PCBP3: variants seen among roughly 807,000 people sequenced by gnomAD.
PCBP3 encodes poly(rC) binding protein 3.
Under a neutral mutation model 52.7 loss-of-function variants are expected in PCBP3, and 25 were observed. The observed-to-expected ratio is 0.47, with a 90% CI of 0.35 to 0.66. The LOEUF is 0.66. Ranked by LOEUF, PCBP3 falls within the 30% of genes least tolerant of loss-of-function variation. PCBP3 has a pLI of 0.01. For synonymous variants in PCBP3, 162 were observed against 183.0 expected (o/e 0.89, Z 0.93); for missense variants, 391 against 490.3 (o/e 0.80, Z 1.91).
intron 5 of PCBP3, among the ~76,000 whole-genome samples, chr21:45,881,619 A>C: frequency 6.6e-6 from 1 of 152,090 alleles, no homozygotes; most frequent in East Asian, 1.9e-4. Flanking sequence ...TCAAGTATAC[A>C]TTGTTCTTAC....
intron 1 of PCBP3, among the ~76,000 whole-genome samples, chr21:45,659,818 T>C (rs2080267891): frequency 6.6e-6 from 1 of 152,232 alleles, no homozygotes; most frequent in Non-Finnish European, 1.5e-5. Flanking sequence ...ACATATTTTA[T>C]ATTACTTCAA....
At chr21:45,793,358 A>T (rs748140695) in intron 4 of PCBP3, among the ~76,000 whole-genome samples, 1 of 152,150 alleles carries the variant, frequency 6.6e-6, no homozygotes, top group Non-Finnish European at 1.5e-5. Context: ...TCCCGAGCAC[A>T]GACCGAGGAC....
intron 2 of PCBP3, among the ~76,000 whole-genome samples, chr21:45,703,375 C>T (rs1435945605): frequency 6.6e-6 from 1 of 152,244 alleles, no homozygotes; most frequent in Non-Finnish European, 1.5e-5. Context: ...GTCAAAATTA[C>T]TCCTTGACCC....
rs750035914 is a variant in PCBP3 at position 45,930,755 on chromosome 21, A to G, written c.797-31A>G. On this transcript the variant is annotated intron_variant, in intron 14 of 17. Coordinates refer to ENST00000681687, the MANE Select transcript of PCBP3 (RefSeq NM_001384156.1). The stretch of plus-strand genomic sequence containing the variant: ...CCCTGCTTATCTCCTTGAGGGCAAA[A>G]CATTAAACCTGTCTCTTCTTTGCTC... The G allele has an allele frequency of 2.7e-5, 28 of 1,019,192 alleles. No homozygotes were observed. In the South Asian group the frequency reaches 3.4e-4, roughly 12 times the overall value. The allele number at this position is 1,019,192 out of a possible 1,614,324, so 63.1% of individuals were successfully genotyped here. A position where few individuals can be genotyped will look rare whatever the true frequency, so the allele number is the denominator to read the frequency against.
At chr21:45,646,448 CAGTTTGTTTT>C (rs111638684) in intron 1 of PCBP3, among the ~76,000 whole-genome samples, 3,921 of 152,024 alleles carry the variant, frequency 0.026, 181 homozygotes, top group African/African-American at 0.089. Flanking sequence ...AAGAAAGTAC[CAGTTTGTTTT>C]AGTTTGTTTT....
chr21:45,929,517 C>T (rs1445941116), intron 13 of PCBP3, among the ~76,000 whole-genome samples: 1 of 152,224 alleles, frequency 6.6e-6, no homozygotes, highest in Non-Finnish European at 1.5e-5. Context: ...ATTTTAGTGA[C>T]TAGTGACTCG....
At chr21:45,869,778 C>T (rs2094925775) in intron 5 of PCBP3, among the ~76,000 whole-genome samples, 1 of 152,220 alleles carries the variant, frequency 6.6e-6, no homozygotes, top group Admixed American at 6.5e-5. Flanking sequence ...ACGTTGCATG[C>T]CACCACACCT....
intron 4 of PCBP3, among the ~76,000 whole-genome samples, chr21:45,792,005 G>C (rs756603070): frequency 6.6e-5 from 10 of 152,250 alleles, no homozygotes; most frequent in Non-Finnish European, 1.3e-4. Flanking sequence ...GCTTGGGTGT[G>C]AGTCCTGCTT....
intron 2 of PCBP3, among the ~76,000 whole-genome samples, chr21:45,682,717 G>C (rs77651701): frequency 0.021 from 3,122 of 152,130 alleles, 115 homozygotes; most frequent in African/African-American, 0.072. Flanking sequence ...AGTTGATATA[G>C]AGAAAGATGA....
chr21:45,825,880 A>G (rs1162914001), intron 4 of PCBP3, among the ~76,000 whole-genome samples: 2 of 152,182 alleles, frequency 1.3e-5, no homozygotes, highest in Admixed American at 6.5e-5. Context: ...AATAAATCCA[A>G]ATGACTTTTT....
intron 5 of PCBP3, 128 bp from the exon 6 acceptor site, chr21:45,896,080 A>G: frequency 1.2e-6 from 1 of 824,840 alleles, no homozygotes; most frequent in Non-Finnish European, 1.9e-6. Context: ...CCTGGTCAGC[A>G]CATGGTGGGT....
intron 2 of PCBP3, among the ~76,000 whole-genome samples, chr21:45,681,179 G>A (rs1484424257): frequency 6.6e-6 from 1 of 152,164 alleles, no homozygotes; most frequent in East Asian, 1.9e-4. Context: ...ACTACAATGG[G>A]GATTTAGTTT....
At chr21:45,748,213 C>T (rs2087085694) in intron 3 of PCBP3, 1 of 152,620 alleles carries the variant, frequency 6.6e-6, no homozygotes, top group African/African-American at 2.4e-5. Context: ...AGTCTATCTA[C>T]TCTTGCTCGT....
chr21:45,854,410 A>G (rs2094183788), intron 5 of PCBP3, among the ~76,000 whole-genome samples: 1 of 152,102 alleles, frequency 6.6e-6, no homozygotes, highest in South Asian at 2.1e-4. Context: ...CTCTGTCCCC[A>G]TTAAACCCTC....
Position 45,645,085 on chromosome 21 carries a change from A to G in PCBP3, c.-279+1217A>G, listed in dbSNP as rs139658015. Among the ~76,000 whole-genome samples, 335 of 152,352 alleles carry G rather than the reference A, an allele frequency of 2.2e-3. 1 individual carries two copies. The Middle Eastern group carries it at 0.031, about 14-fold the overall frequency. On this transcript the variant is annotated intron_variant, in intron 1 of 17. Transcript: ENST00000681687. ...AGAACAGTGGCACTCTAAAGGGATC[A>G]TTTGCAAGATCTGAAAGGACCTAAT...
In PCBP3 at chr21:45,928,480, C is replaced by A. The variant is rs763210839; in HGVS notation, c.718-1437C>A. 5.9e-5 allele frequency among the ~76,000 whole-genome samples: 9 copies of A among 152,182 alleles called. No individual in the cohort carries two copies. Among genetic ancestry groups the A allele is most frequent in the Non-Finnish European group, 1.3e-4 (9 of 68,026 alleles). On this transcript the variant is annotated intron_variant, in intron 13 of 17. Coordinates refer to ENST00000681687, the MANE Select transcript of PCBP3 (RefSeq NM_001384156.1). This position sits in a 1 kb window ranked among gnomAD's most constrained non-coding sequence, Gnocchi z 4.1. Reference sequence around the variant, plus strand: ...GGGTGAACTCTTAGGGGAGGGCTCCCAGCTCCTGAGAGGCCAAGTTCAAAC... The same window carrying A: ...GGGTGAACTCTTAGGGGAGGGCTCCAAGCTCCTGAGAGGCCAAGTTCAAAC...
chr21:45,936,711 C>G (rs189987019), intron 16 of PCBP3, among the ~76,000 whole-genome samples: 1 of 152,230 alleles, frequency 6.6e-6, no homozygotes, highest in African/African-American at 2.4e-5. Flanking sequence ...TCAGTGCTCA[C>G]TAACACCAGG....
At chr21:45,861,105 T>G (rs1056712244) in intron 5 of PCBP3, among the ~76,000 whole-genome samples, 1 of 151,910 alleles carries the variant, frequency 6.6e-6, no homozygotes, top group Non-Finnish European at 1.5e-5. Flanking sequence ...CACCCTCAGC[T>G]CCTCCCTTCA....
At chr21:45,691,583 A>G (rs1463235221) in intron 2 of PCBP3, among the ~76,000 whole-genome samples, 6 of 151,736 alleles carry the variant, frequency 4.0e-5, no homozygotes, top group African/African-American at 1.5e-4. Context: ...GAATACAGTG[A>G]GTCAGAGCAG....
Sources: gnomAD v4.1 joint callset for allele counts (sites outside exome capture counted in the v4.1 genomes callset) on GRCh38, gnomAD v4.1.1 for gene constraint, Gnocchi (gnomAD v3.1) non-coding constraint, MANE v1.5 for transcripts, NCBI Gene and HGNC (gene_info 2026-07-23, HGNC 2026-07-21) for gene names.